Variants in PSPC1 observed in about 807,000 individuals in gnomAD.
PSPC1 encodes paraspeckle component 1, also known as paraspeckle protein 1.
PSPC1 carries 14 observed loss-of-function variants against 51.6 expected under a neutral mutation model. The ratio of observed to expected loss-of-function variants is 0.27; its 90% CI spans 0.18 to 0.42. PSPC1 has a LOEUF of 0.42. Among genes scored for constraint, PSPC1 ranks in the 10% least tolerant of loss-of-function variants. The pLI is 1.00. For missense variants in PSPC1, 406 were observed against 701.1 expected (o/e 0.58, Z 4.75); for synonymous variants, 193 against 231.9 (o/e 0.83, Z 1.53).
At chr13:19,701,574 G>C (rs1037584599), downstream of PSPC1, among the ~76,000 whole-genome samples, 6 of 152,082 alleles carry the variant, frequency 3.9e-5, no homozygotes, top group East Asian at 9.6e-4. Context: ...TCCACACTGT[G>C]TATCAAAAAA....
At chr13:19,775,376 AAAAT>A (rs1442718951) in intron 1 of PSPC1, among the ~76,000 whole-genome samples, 4 of 152,126 alleles carry the variant, frequency 2.6e-5, no homozygotes, top group African/African-American at 7.2e-5. Context: ...ACAAAAAAAA[AAAAT>A]AAACCAAATA....
rs1018807547 is a variant in PSPC1, at chr13:19,775,538, C to T, written c.373-2995G>A. The stretch of plus-strand genomic sequence containing the variant: ...CACAGTATAAGGATTTGAGCATCTA[C>T]GAATTTTAGTACTGGAGGAGGTCCT... On this transcript the variant is annotated intron_variant, in intron 1 of 8. Coordinates refer to ENST00000338910, the MANE Select transcript of PSPC1 (RefSeq NM_001354909.2). Among the ~76,000 whole-genome samples, 6 of 152,258 alleles carry T rather than the reference C, an allele frequency of 3.9e-5. No individual in the cohort carries two copies. The South Asian group carries it at 8.3e-4, about 21-fold the overall frequency.
intron 6 of PSPC1, among the ~76,000 whole-genome samples, chr13:19,690,531 G>A (rs1878425469): frequency 6.6e-6 from 1 of 152,136 alleles, no homozygotes. Flanking sequence ...AACTCAATTA[G>A]AAAAAGCCTA....
At chr13:19,743,693 G>A (rs1885660371) in intron 4 of PSPC1, among the ~76,000 whole-genome samples, 1 of 152,124 alleles carries the variant, frequency 6.6e-6, no homozygotes, top group Non-Finnish European at 1.5e-5. Context: ...GGCCCAGGTA[G>A]TTCTCATAAT....
intron 6 of PSPC1, chr13:19,678,522 T>G (rs546860785): frequency 7.2e-4 from 109 of 152,326 alleles, no homozygotes; most frequent in African/African-American, 2.5e-3. Flanking sequence ...TGGGGGTCCA[T>G]GATCCAAAAA....
intron 5 of PSPC1, among the ~76,000 whole-genome samples, chr13:19,730,934 G>A (rs1883972556): frequency 8.8e-6 from 1 of 113,122 alleles, no homozygotes; most frequent in Admixed American, 1.3e-4. Context: ...GCAACAGTGA[G>A]ACCCTGTCTC....
At chr13:19,723,563 A>G (rs1883027077) in intron 6 of PSPC1, among the ~76,000 whole-genome samples, 1 of 152,222 alleles carries the variant, frequency 6.6e-6, no homozygotes, top group South Asian at 2.1e-4. Context: ...TTTCCCACAC[A>G]TCATTAGATA....
intron 6 of PSPC1, among the ~76,000 whole-genome samples, chr13:19,727,837 G>A (rs748219432): frequency 8.5e-5 from 13 of 152,078 alleles, no homozygotes; most frequent in Non-Finnish European, 1.5e-4. Flanking sequence ...AGTAAATACT[G>A]CCTGGAAAAA....
At chr13:19,723,717 T>A (rs1352743608) in intron 6 of PSPC1, among the ~76,000 whole-genome samples, 2 of 152,204 alleles carry the variant, frequency 1.3e-5, no homozygotes, top group Non-Finnish European at 2.9e-5. Context: ...CATTACAAAC[T>A]TATATATATG....
intron 1 of PSPC1, among the ~76,000 whole-genome samples, chr13:19,781,349 G>C (rs552182304): frequency 6.6e-6 from 1 of 151,862 alleles, no homozygotes; most frequent in African/African-American, 2.4e-5. Flanking sequence ...ATGGAGTTTC[G>C]CCATGTTGGC....
At chr13:19,736,762 G>A (rs906187817) in intron 5 of PSPC1, among the ~76,000 whole-genome samples, 2 of 152,082 alleles carry the variant, frequency 1.3e-5, no homozygotes, top group African/African-American at 2.4e-5. Flanking sequence ...AATCAGCAAC[G>A]TATCCTCTAT....
At chr13:19,723,774 T>C (rs1227196781) in intron 6 of PSPC1, among the ~76,000 whole-genome samples, 1 of 152,252 alleles carries the variant, frequency 6.6e-6, no homozygotes, top group Non-Finnish European at 1.5e-5. Flanking sequence ...TACAATTATG[T>C]ACCGTGCCAA....
At chr13:19,710,624 T>C (rs1342862429) in intron 6 of PSPC1, among the ~76,000 whole-genome samples, 2 of 152,040 alleles carry the variant, frequency 1.3e-5, no homozygotes, top group African/African-American at 2.4e-5. Flanking sequence ...AAGCTGGAAA[T>C]AAAATAAAAG....
chr13:19,727,309 G>A (rs547780734), intron 6 of PSPC1, among the ~76,000 whole-genome samples: 32 of 152,108 alleles, frequency 2.1e-4, no homozygotes, highest in Non-Finnish European at 3.2e-4. Context: ...CAGGAGAGTC[G>A]CTTGAACCCA....
intron 1 of PSPC1, among the ~76,000 whole-genome samples, chr13:19,773,713 C>T (rs564169774): frequency 1.3e-5 from 2 of 152,014 alleles, no homozygotes; most frequent in Admixed American, 1.3e-4. Flanking sequence ...GGCTGGAGTA[C>T]AGTGGCACAA....
Position 19,759,433 on chromosome 13 carries a change from AAGC to A in PSPC1, c.675-18_675-16del. The A allele has an allele frequency of 6.3e-7, 1 of 1,581,120 alleles. No homozygotes were observed. The highest frequency in any genetic ancestry group is 8.7e-7 in the Non-Finnish European group (1 of 1,154,746). On this transcript the variant is annotated splice_polypyrimidine_tract_variant and intron_variant, in intron 2 of 8. Coordinates refer to ENST00000338910, the MANE Select transcript of PSPC1 (RefSeq NM_001354909.2). ...GACGAGGGGTCCTGGATAGGTATAAAAGCATTCATAAAAATTAACACAGTGCCA... is the reference window on the plus strand; with the variant it reads ...GACGAGGGGTCCTGGATAGGTATAAAATTCATAAAAATTAACACAGTGCCA...
At chr13:19,679,877 T>C (rs1877080249) in intron 6 of PSPC1, among the ~76,000 whole-genome samples, 1 of 152,168 alleles carries the variant, frequency 6.6e-6, no homozygotes, top group Non-Finnish European at 1.5e-5. Context: ...AACATCAGGA[T>C]TACTAAAAAC....
At chr13:19,716,379 C>A (rs1225627146) in intron 6 of PSPC1, among the ~76,000 whole-genome samples, 2 of 152,194 alleles carry the variant, frequency 1.3e-5, no homozygotes, top group Non-Finnish European at 2.9e-5. Context: ...ATAAAAACTG[C>A]TTTAACTGTG....
intron 6 of PSPC1, among the ~76,000 whole-genome samples, chr13:19,686,706 T>C (rs1023227): frequency 0.68 from 104,014 of 152,136 alleles, 38,209 homozygotes; most frequent in East Asian, 0.89. Flanking sequence ...TTGAAGGCTG[T>C]TGATTTTTAT....
Sources: gnomAD v4.1 joint callset for allele counts (sites outside exome capture counted in the v4.1 genomes callset) on GRCh38, gnomAD v4.1.1 for gene constraint, MANE v1.5 for transcripts, NCBI Gene and HGNC (gene_info 2026-07-23, HGNC 2026-07-21) for gene names.